EGFR: variants seen among roughly 807,000 people sequenced by gnomAD.
The protein encoded by EGFR is avian erythroblastic leukemia viral (v-erb-b) oncogene homolog.
A neutral mutation model predicts 143.0 loss-of-function variants in EGFR; 58 were observed. The ratio of observed to expected loss-of-function variants is 0.41; its 90% CI spans 0.33 to 0.50. The LOEUF (loss-of-function observed/expected upper bound fraction) is 0.50, where lower values mean the gene tolerates loss of function less well. Among genes scored for constraint, EGFR ranks in the 20% least tolerant of loss-of-function variants. EGFR has a pLI of 0.39. For missense variants in EGFR, 1,307 were observed against 1,579.0 expected, an observed-to-expected ratio of 0.83 and a Z score of 2.92; for synonymous variants, 613 against 594.4, an observed-to-expected ratio of 1.03 and a Z score of -0.45.
At chr7:55,094,429 T>C (rs1408063152) in intron 1 of EGFR, among the ~76,000 whole-genome samples, 1 of 152,228 alleles carries the variant, frequency 6.6e-6, no homozygotes, top group African/African-American at 2.4e-5. Context: ...GCCTATCCTG[T>C]CAGGAGACGC....
chr7:55,026,361 G>A (rs1421071228), intron 1 of EGFR, among the ~76,000 whole-genome samples: 2 of 152,178 alleles, frequency 1.3e-5, no homozygotes, highest in East Asian at 1.9e-4. Context: ...GAAATAGCCA[G>A]AAAGAACACT....
chr7:55,170,166 G>C (rs894309627), intron 15 of EGFR: 2 of 1,468,450 alleles, frequency 1.4e-6, no homozygotes, highest in African/African-American at 2.8e-5. Flanking sequence ...GGAGCACCCA[G>C]ACCCCCAAAT....
rs1788095433 is a variant in EGFR, at chr7:55,206,020, T to C, written c.*403T>C. On this transcript the variant is annotated 3_prime_UTR_variant, in exon 28 of 28. Coordinates refer to ENST00000275493, the MANE Select transcript of EGFR (RefSeq NM_005228.5). ...CAAGGAAGAAGCTTGCTGGTAGCACTTGCTACCCTGAGTTCATCCAGGCCC... is the reference window on the plus strand; with the variant it reads ...CAAGGAAGAAGCTTGCTGGTAGCACCTGCTACCCTGAGTTCATCCAGGCCC... The C allele has an allele frequency of 2.6e-6, 1 of 377,426 alleles. No homozygotes were observed. The highest frequency in any genetic ancestry group is 4.7e-5 in the East Asian group (1 of 21,374). The allele number at this position is 377,426 out of a possible 1,614,324, so 23.4% of individuals were successfully genotyped here.
At chr7:55,202,894 A>G (rs1370450596) in intron 27 of EGFR, 2 of 650,076 alleles carry the variant, frequency 3.1e-6, no homozygotes, top group African/African-American at 1.8e-5. Context: ...AATCACGGAC[A>G]TACACATCTG....
intron 1 of EGFR, among the ~76,000 whole-genome samples, chr7:55,093,302 T>C (rs4947971): frequency 0.7 from 106,789 of 152,136 alleles, 37,862 homozygotes; most frequent in East Asian, 0.97. Context: ...TTTGAAATGA[T>C]GAAAATCATT....
At chr7:55,170,723 GC>G in intron 15 of EGFR, 1 of 1,499,946 alleles carries the variant, frequency 6.7e-7, no homozygotes, top group South Asian at 1.3e-5. Context: ...CCTCCTCGCT[GC>G]CAGATGATTG....
At chr7:55,128,736 C>T (rs1450605002) in intron 1 of EGFR, among the ~76,000 whole-genome samples, 3 of 152,148 alleles carry the variant, frequency 2.0e-5, no homozygotes, top group African/African-American at 7.2e-5. Flanking sequence ...GATTCTATAT[C>T]TGTAGTCAAT....
intron 23 of EGFR, among the ~76,000 whole-genome samples, chr7:55,199,285 G>A (rs999462781): frequency 6.6e-6 from 1 of 152,210 alleles, no homozygotes; most frequent in African/African-American, 2.4e-5. Context: ...TTTTAAACCA[G>A]TGGATTTATG....
intron 27 of EGFR, among the ~76,000 whole-genome samples, chr7:55,204,799 CGT>C (rs1211724481): frequency 7.5e-6 from 1 of 132,938 alleles, no homozygotes; most frequent in Non-Finnish European, 1.7e-5. Flanking sequence ...TACATACACA[CGT>C]ATACACACAC....
chr7:55,096,374 A>G (rs561555655), intron 1 of EGFR, among the ~76,000 whole-genome samples: 1 of 152,352 alleles, frequency 6.6e-6, no homozygotes, highest in East Asian at 1.9e-4. Context: ...TTTGCTGCTG[A>G]GTTAACTTTG....
chr7:55,034,826 C>T (rs116347781), intron 1 of EGFR, among the ~76,000 whole-genome samples: 1,594 of 152,298 alleles, frequency 0.01, 29 homozygotes, highest in African/African-American at 0.035. Context: ...CTGCAAGAAA[C>T]ACCAAACATG....
At chr7:55,024,853 G>A (rs779477749) in intron 1 of EGFR, among the ~76,000 whole-genome samples, 6 of 152,148 alleles carry the variant, frequency 3.9e-5, no homozygotes, top group African/African-American at 9.7e-5. Context: ...AATCAATGAC[G>A]GAACTCTTCC....
intron 1 of EGFR, among the ~76,000 whole-genome samples, chr7:55,064,220 C>G (rs1490037773): frequency 6.6e-6 from 1 of 152,056 alleles, no homozygotes; most frequent in Non-Finnish European, 1.5e-5. Flanking sequence ...ATGTAGTATC[C>G]ACAGGTCATG....
At chr7:55,036,396 C>T (rs560530999) in intron 1 of EGFR, among the ~76,000 whole-genome samples, 25 of 151,802 alleles carry the variant, frequency 1.6e-4, no homozygotes, top group Admixed American at 1.1e-3. Flanking sequence ...CTTTGGAAAG[C>T]TGGTGAGGCC....
At chr7:55,170,289 T>C (rs2128950386) in intron 15 of EGFR, 1 of 1,614,150 alleles carries the variant, frequency 6.2e-7, no homozygotes, top group Non-Finnish European at 8.5e-7. Flanking sequence ...TGAAATGTAC[T>C]TGTCCATCTT....
At chr7:55,064,084 A>G (rs1042199052) in intron 1 of EGFR, among the ~76,000 whole-genome samples, 3 of 152,220 alleles carry the variant, frequency 2.0e-5, no homozygotes, top group African/African-American at 7.2e-5. Flanking sequence ...AACCTAAGAG[A>G]ACCTCTATTT....
At chr7:55,182,012 G>T (rs915414617) in intron 20 of EGFR, 1 of 196,258 alleles carries the variant, frequency 5.1e-6, no homozygotes, top group Admixed American at 5.3e-5. Flanking sequence ...TCGCTCCAGA[G>T]CCAGGGCGGG....
rs184777963 is a variant in EGFR, at chr7:55,190,606, A to G, written c.2470-1113A>G. On this transcript the variant is annotated intron_variant, in intron 20 of 27. Coordinates refer to ENST00000275493, the MANE Select transcript of EGFR (RefSeq NM_005228.5). ...ACACTACAGTGGGATCCCTCCATAC[A>G]GGAGCGGCAGAGTGGAGCAGGCTAG... Among the ~76,000 whole-genome samples, 3 of 152,126 alleles carry G rather than the reference A, an allele frequency of 2.0e-5. No homozygotes were observed. In the East Asian group the frequency reaches 5.8e-4, roughly 29 times the overall value.
At chr7:55,171,092 T>G in intron 15 of EGFR, 83 bp from the exon 16 acceptor site, 8 of 1,593,394 alleles carry the variant, frequency 5.0e-6, no homozygotes, top group Non-Finnish European at 6.8e-6. Context: ...ATATATTGCT[T>G]TATGATTTAA....
Sources: gnomAD v4.1 joint callset for allele counts (sites outside exome capture counted in the v4.1 genomes callset) on GRCh38, gnomAD v4.1.1 for gene constraint, MANE v1.5 for transcripts, NCBI Gene and HGNC (gene_info 2026-07-23, HGNC 2026-07-21) for gene names.